The following ZBTB7C variants were observed in gnomAD, a reference collection of about 807,000 sequenced individuals.
ZBTB7C encodes zinc finger and BTB domain-containing protein 7C.
ZBTB7C carries 8 observed loss-of-function variants against 25.7 expected under a neutral mutation model. The observed-to-expected ratio is 0.31, with a 90% CI of 0.18 to 0.56. ZBTB7C has a LOEUF of 0.56. Ranked by LOEUF, ZBTB7C falls within the 20% of genes least tolerant of loss-of-function variation. The pLI is 0.91. For synonymous variants in ZBTB7C, 394 were observed against 369.0 expected (o/e 1.07, Z -0.78); for missense variants, 824 against 855.2 (o/e 0.96, Z 0.46).
intron 2 of ZBTB7C, among the ~76,000 whole-genome samples, chr18:48,233,293 C>A (rs1247288351): frequency 6.6e-6 from 1 of 152,182 alleles, no homozygotes; most frequent in Non-Finnish European, 1.5e-5. Context: ...AAGGTCCTTG[C>A]AAGATGCCAG....
intron 4 of ZBTB7C, among the ~76,000 whole-genome samples, chr18:48,037,872 C>T (rs1020005547): frequency 2.0e-5 from 3 of 152,240 alleles, no homozygotes; most frequent in African/African-American, 7.2e-5. Flanking sequence ...AGCTTCCTGG[C>T]ATCCTTAAAG....
chr18:48,366,358 G>C (rs2047220469), intron 1 of ZBTB7C, among the ~76,000 whole-genome samples: 1 of 152,138 alleles, frequency 6.6e-6, no homozygotes, highest in Admixed American at 6.5e-5. Context: ...AAATGTGAAA[G>C]ACTAGCTGTA....
At chr18:48,210,651 G>A (rs1241539789) in intron 2 of ZBTB7C, among the ~76,000 whole-genome samples, 1 of 151,650 alleles carries the variant, frequency 6.6e-6, no homozygotes, top group Non-Finnish European at 1.5e-5. Flanking sequence ...TGGTTGTCAT[G>A]GAGTGAGGGA....
intron 3 of ZBTB7C, among the ~76,000 whole-genome samples, chr18:48,099,817 G>C (rs1310472604): frequency 6.6e-6 from 1 of 152,232 alleles, no homozygotes; most frequent in Admixed American, 6.5e-5. Flanking sequence ...CAGAGGCTCT[G>C]TTAACGGCCT....
chr18:48,054,451 C>T (rs1336205047), intron 3 of ZBTB7C, among the ~76,000 whole-genome samples: 1 of 152,082 alleles, frequency 6.6e-6, no homozygotes, highest in East Asian at 1.9e-4. Flanking sequence ...GAGTCACATG[C>T]CGAGGACTCA....
At chr18:48,076,834 G>A in intron 3 of ZBTB7C, 1 of 584,242 alleles carries the variant, frequency 1.7e-6, no homozygotes, top group African/African-American at 2.0e-5. Context: ...CCATGGGATT[G>A]CAGGAGAATG....
At chr18:48,140,699 G>A (rs1355659018) in intron 3 of ZBTB7C, among the ~76,000 whole-genome samples, 1 of 152,148 alleles carries the variant, frequency 6.6e-6, no homozygotes, top group Admixed American at 6.5e-5. Context: ...GAGTGCTGAA[G>A]CAAGTCATCC....
rs373655412 is a variant in ZBTB7C at position 48,273,539 on chromosome 18, A to G, written c.-79+64635T>C. On this transcript the variant is annotated intron_variant, in intron 2 of 4. Coordinates refer to ENST00000590800, the MANE Select transcript of ZBTB7C (RefSeq NM_001318841.2). ...CAATGAAATATCATTTTACATTCAGATTAGTAAAAACTACATAATAGTTAT... is the reference window on the plus strand; with the variant it reads ...CAATGAAATATCATTTTACATTCAGGTTAGTAAAAACTACATAATAGTTAT... Among the ~76,000 whole-genome samples, 3 of 152,306 alleles carry G rather than the reference A, an allele frequency of 2.0e-5. No individual in the cohort carries two copies. In the South Asian group the frequency reaches 6.2e-4, roughly 32 times the overall value.
intron 1 of ZBTB7C, among the ~76,000 whole-genome samples, chr18:48,352,158 G>A (rs1301283863): frequency 6.6e-6 from 1 of 152,226 alleles, no homozygotes; most frequent in African/African-American, 2.4e-5. Flanking sequence ...TGACTCTGAA[G>A]ACTTGCCTGT....
At chr18:48,046,376 T>G (rs1455757365) in intron 3 of ZBTB7C, among the ~76,000 whole-genome samples, 2 of 152,188 alleles carry the variant, frequency 1.3e-5, no homozygotes, top group East Asian at 3.9e-4. Flanking sequence ...AGCCACCCTG[T>G]AGGTAGCAGG....
At chr18:48,181,075 A>G (rs2041907760) in intron 3 of ZBTB7C, among the ~76,000 whole-genome samples, 1 of 152,210 alleles carries the variant, frequency 6.6e-6, no homozygotes, top group South Asian at 2.1e-4. Context: ...GTTAATTAAT[A>G]AATGTAAAAT....
chr18:48,039,489 T>A lies in ZBTB7C; in HGVS notation c.1208+411A>T, dbSNP rs547935676. Among the ~76,000 whole-genome samples, 7 of 152,324 alleles carry A rather than the reference T, an allele frequency of 4.6e-5. No individual in the cohort carries two copies. In the South Asian group the frequency reaches 6.2e-4, roughly 14 times the overall value. ...CCCCTGGCATGCAGAATATGCTTAA[T>A]AAAGGTCAGTGGCTGCTTCTCCAAA... On this transcript the variant is annotated intron_variant, in intron 4 of 4. Transcript: ENST00000590800.
chr18:48,136,154 G>GCCGCTGCGC (rs1357179460), intron 3 of ZBTB7C, among the ~76,000 whole-genome samples: 1 of 152,182 alleles, frequency 6.6e-6, no homozygotes, highest in African/African-American at 2.4e-5. Flanking sequence ...CAGCCCCGCG[G>GCCGCTGCGC]CCGCTGCGCC....
Position 48,344,172 on chromosome 18 carries a change from C to T in ZBTB7C, c.-303-5774G>A, listed in dbSNP as rs541702162. On this transcript the variant is annotated intron_variant, in intron 1 of 4. Coordinates refer to ENST00000590800, the MANE Select transcript of ZBTB7C (RefSeq NM_001318841.2). ...CTAATTTTTGTATTTTTAGTAGAGA[C>T]GGGGTTTCACCTTGTTGGCCAGGCT... 9.2e-5 allele frequency among the ~76,000 whole-genome samples: 14 copies of T among 152,212 alleles called. No individual in the cohort carries two copies. The Middle Eastern group carries it at 0.01, about 111-fold the overall frequency.
chr18:48,081,613 C>A (rs1323469886), intron 3 of ZBTB7C, among the ~76,000 whole-genome samples: 1 of 152,078 alleles, frequency 6.6e-6, no homozygotes, highest in African/African-American at 2.4e-5. Context: ...ATACCACCAT[C>A]AAGGCCTTTC....
chr18:48,230,346 G>C (rs1417673874), intron 2 of ZBTB7C, among the ~76,000 whole-genome samples: 2 of 152,040 alleles, frequency 1.3e-5, no homozygotes, highest in Non-Finnish European at 2.9e-5. Flanking sequence ...TGGGAAGCTG[G>C]TTGGGAGCTG....
chr18:48,236,029 C>T (rs1243718244), intron 2 of ZBTB7C, among the ~76,000 whole-genome samples: 1 of 152,222 alleles, frequency 6.6e-6, no homozygotes, highest in African/African-American at 2.4e-5. Flanking sequence ...CTCAATCTCA[C>T]TACTCTTTTA....
At chr18:48,240,622 A>C (rs1181349691) in intron 2 of ZBTB7C, among the ~76,000 whole-genome samples, 2 of 152,226 alleles carry the variant, frequency 1.3e-5, no homozygotes, top group African/African-American at 4.8e-5. Flanking sequence ...GGAAAAATAA[A>C]GTCTTTTTCA....
chr18:48,124,113 C>T (rs2039720697), intron 3 of ZBTB7C, among the ~76,000 whole-genome samples: 1 of 152,230 alleles, frequency 6.6e-6, no homozygotes, highest in Admixed American at 6.5e-5. Flanking sequence ...CCCAACTCTC[C>T]AGGCAGGCTG....
Sources: allele counts gnomAD v4.1 joint callset (sites outside exome capture counted in the v4.1 genomes callset), GRCh38; gene constraint gnomAD v4.1.1; transcripts MANE v1.5; gene names NCBI Gene and HGNC (gene_info 2026-07-23, HGNC 2026-07-21).